The following LYRM7 variants were observed in gnomAD, a reference collection of about 807,000 sequenced individuals.
The protein encoded by LYRM7 is LYR motif containing 7.
LYRM7 carries 9 observed loss-of-function variants against 15.8 expected under a neutral mutation model. The ratio of observed to expected loss-of-function variants is 0.57; its 90% CI spans 0.34 to 0.99. LYRM7 has a LOEUF of 0.99. Among genes scored for constraint, LYRM7 ranks in the 50% least tolerant of loss-of-function variants. The probability of loss-of-function intolerance (pLI) is 0.02; values close to 1 mark genes in which losing one functional copy is unlikely to be tolerated. For missense variants in LYRM7, 115 were observed against 119.1 expected (o/e 0.97, Z 0.16); for synonymous variants, 39 against 39.4 (o/e 0.99, Z 0.04).
intron 4 of LYRM7, among the ~76,000 whole-genome samples, chr5:131,194,428 CT>C (rs1305611816): frequency 6.6e-6 from 1 of 152,158 alleles, no homozygotes; most frequent in African/African-American, 2.4e-5. Flanking sequence ...AATAACGCTG[CT>C]TTGTTTCAAG....
intron 1 of LYRM7, among the ~76,000 whole-genome samples, chr5:131,178,392 G>A (rs1178379248): frequency 6.6e-6 from 1 of 152,146 alleles, no homozygotes; most frequent in East Asian, 1.9e-4. Context: ...ACAAGAGTAA[G>A]GTATAATAAA....
intron 3 of LYRM7, among the ~76,000 whole-genome samples, chr5:131,185,925 T>C (rs983545315): frequency 5.3e-5 from 8 of 152,246 alleles, no homozygotes; most frequent in African/African-American, 1.9e-4. Flanking sequence ...TACTGTCAGT[T>C]GTTTTCTTTG....
rs553270388 is a variant in LYRM7 at position 131,181,431 on chromosome 5, CAT to C, written c.92-791_92-790del. 5.9e-3 allele frequency among the ~76,000 whole-genome samples: 643 copies of C among 108,230 alleles called. 20 individuals are homozygous for C. The highest frequency in any genetic ancestry group is 0.017 in the African/African-American group (403 of 23,388). 71.0% of individuals were successfully genotyped at this position (108,230 alleles called of 152,430 possible). On this transcript the variant is annotated intron_variant, in intron 2 of 4. Transcript: ENST00000379380. Reference sequence around the variant, plus strand: ...CATATATATGTTTATATATATATAACATATATATGTATATATATATAAAACAT... The same window carrying C: ...CATATATATGTTTATATATATATAACATATATGTATATATATATAAAACAT...
intron 3 of LYRM7, among the ~76,000 whole-genome samples, chr5:131,186,125 C>A (rs1755791827): frequency 6.6e-6 from 1 of 152,184 alleles, no homozygotes; most frequent in Non-Finnish European, 1.5e-5. Context: ...CCTCACAGAT[C>A]CCTGAAAGGG....
chr5:131,199,856 A>G lies in LYRM7; in HGVS notation c.*255A>G, dbSNP rs978947853. The G allele has an allele frequency of 2.3e-5, 6 of 266,386 alleles. No individual in the cohort carries two copies. The highest frequency in any genetic ancestry group is 1.1e-4 in the Admixed American group (2 of 18,902). 16.5% of individuals were successfully genotyped at this position (266,386 alleles called of 1,614,324 possible). A position where few individuals can be genotyped will look rare whatever the true frequency, so the allele number is the denominator to read the frequency against. ...AAATCAAATTTCATAAAGCAAAGTA[A>G]ATGCTTAGGGAGATATATTCAATCT... On this transcript the variant is annotated 3_prime_UTR_variant, in exon 5 of 5. Coordinates refer to ENST00000379380, the MANE Select transcript of LYRM7 (RefSeq NM_181705.4).
intron 4 of LYRM7, among the ~76,000 whole-genome samples, chr5:131,187,360 A>G (rs112359117): frequency 1.4e-4 from 22 of 152,208 alleles, no homozygotes; most frequent in African/African-American, 5.3e-4. Flanking sequence ...AGACAGTACA[A>G]CTATATATTT....
At chr5:131,186,413 T>A (rs925886413) in intron 3 of LYRM7, among the ~76,000 whole-genome samples, 8 of 152,222 alleles carry the variant, frequency 5.3e-5, no homozygotes, top group Non-Finnish European at 1.0e-4. Flanking sequence ...ATATCTGAGC[T>A]TTCTATACTA....
At position 131,170,995 on chromosome 5, in the gene LYRM7, A is replaced by AG. The variant is rs763173783; in HGVS notation, c.-24dup. 5 of 1,540,882 alleles carry AG rather than the reference A, an allele frequency of 3.2e-6. No individual in the cohort carries two copies. The highest frequency in any genetic ancestry group is 4.4e-6 in the Non-Finnish European group (5 of 1,149,128). ...AGGCGGGGCTACTCGACTGCTCTGG[A>AG]GGTAGCGGCCGCGGTGAGGAGAGCC... is the stretch of plus-strand genomic sequence containing the variant. On this transcript the variant is annotated 5_prime_UTR_variant, in exon 1 of 5. Transcript: ENST00000379380.
Position 131,170,994 on chromosome 5 carries a change from G to T in LYRM7, c.-27G>T. On this transcript the variant is annotated 5_prime_UTR_variant, in exon 1 of 5. Coordinates refer to ENST00000379380, the MANE Select transcript of LYRM7 (RefSeq NM_181705.4). ...GAGGCGGGGCTACTCGACTGCTCTG[G>T]AGGTAGCGGCCGCGGTGAGGAGAGC... 1 of 1,542,528 alleles carries T rather than the reference G, an allele frequency of 6.5e-7. No homozygotes were observed. The highest frequency in any genetic ancestry group is 1.2e-5 in the South Asian group (1 of 80,996).
chr5:131,171,382 G>A (rs1053943316), intron 1 of LYRM7, among the ~76,000 whole-genome samples: 16 of 152,116 alleles, frequency 1.1e-4, no homozygotes, highest in African/African-American at 3.9e-4. Flanking sequence ...GGAAGTATAG[G>A]AGACGCCAAA....
At chr5:131,179,113 G>A (rs1247499612) in intron 1 of LYRM7, among the ~76,000 whole-genome samples, 1 of 152,016 alleles carries the variant, frequency 6.6e-6, no homozygotes, top group Non-Finnish European at 1.5e-5. Context: ...ACTTCAATAG[G>A]TTAAGAAAAA....
rs747388934 is a variant in LYRM7 at position 131,180,168 on chromosome 5, G to T, written c.91+1G>T. The T allele has an allele frequency of 6.2e-7, 1 of 1,604,534 alleles. No homozygotes were observed. Among genetic ancestry groups the T allele is most frequent in the South Asian group, 1.1e-5 (1 of 90,802 alleles). ...AAAAATGATGCCAGAGCATTAGAAG[G>T]TAAGTATGTTCTTTACCCCTTTGGA... is the stretch of plus-strand genomic sequence containing the variant. On this transcript the variant is annotated splice_donor_variant, in intron 2 of 4. Transcript: ENST00000379380. LOFTEE classifies it high-confidence loss of function.
At chr5:131,182,008 A>C (rs150157895) in intron 2 of LYRM7, among the ~76,000 whole-genome samples, 305 of 152,326 alleles carry the variant, frequency 2.0e-3, no homozygotes, top group African/African-American at 7.1e-3. Context: ...AAAATATTAG[A>C]GTGCCAAAGG....
At chr5:131,193,342 G>A (rs1309968927) in intron 4 of LYRM7, among the ~76,000 whole-genome samples, 2 of 152,198 alleles carry the variant, frequency 1.3e-5, no homozygotes, top group Non-Finnish European at 2.9e-5. Context: ...GTAAAAGACA[G>A]GCAATTAAAT....
chr5:131,185,870 T>G (rs1401889168), intron 3 of LYRM7, among the ~76,000 whole-genome samples: 1 of 152,252 alleles, frequency 6.6e-6, no homozygotes, highest in Non-Finnish European at 1.5e-5. Flanking sequence ...TTCTCCAGAA[T>G]TCTGATATTT....
intron 4 of LYRM7, among the ~76,000 whole-genome samples, chr5:131,192,050 C>T (rs914358155): frequency 1.9e-3 from 235 of 123,468 alleles, no homozygotes; most frequent in South Asian, 6.4e-3. Context: ...CACACACACA[C>T]ACACACACAC....
At chr5:131,175,749 G>GGTTTTGTTTTGTTTTGTTTT (rs1554089541) in intron 1 of LYRM7, among the ~76,000 whole-genome samples, 58 of 151,112 alleles carry the variant, frequency 3.8e-4, no homozygotes, top group African/African-American at 1.3e-3. Flanking sequence ...TGCCCAGGCT[G>GGTTTTGTTTTGTTTTGTTTT]GTTTTGTTTT....
intron 1 of LYRM7, among the ~76,000 whole-genome samples, chr5:131,179,193 A>G (rs1050107425): frequency 6.6e-6 from 1 of 152,088 alleles, no homozygotes; most frequent in South Asian, 2.1e-4. Flanking sequence ...TTAACTTTTT[A>G]ACCATCCTTA....
intron 2 of LYRM7, 32 bp from the exon 3 acceptor site, chr5:131,182,197 G>A (rs756054444): frequency 4.4e-6 from 6 of 1,371,446 alleles, no homozygotes; most frequent in Admixed American, 2.6e-5. Flanking sequence ...GATTACAAAA[G>A]CGAATAACTA....
Sources: gnomAD v4.1 joint callset for allele counts (sites outside exome capture counted in the v4.1 genomes callset) on GRCh38, gnomAD v4.1.1 for gene constraint, MANE v1.5 for transcripts, NCBI Gene and HGNC (gene_info 2026-07-23, HGNC 2026-07-21) for gene names.